The following DEPDC1B variants were observed in gnomAD, a reference collection of about 807,000 sequenced individuals.
The protein encoded by DEPDC1B is DEP domain-containing protein 1B.
DEPDC1B carries 51 observed loss-of-function variants against 66.5 expected under a neutral mutation model. The ratio of observed to expected loss-of-function variants is 0.77; its 90% CI spans 0.61 to 0.97. The LOEUF is 0.97. Ranked by LOEUF, DEPDC1B falls within the 50% of genes least tolerant of loss-of-function variation. The pLI is 0.00. For synonymous variants in DEPDC1B, 226 were observed against 223.6 expected, an observed-to-expected ratio of 1.01 and a Z score of -0.10; for missense variants, 552 against 637.1, an observed-to-expected ratio of 0.87 and a Z score of 1.44.
chr5:60,647,294 C>G, intron 3 of DEPDC1B, 104 bp downstream of exon 3: 18 of 1,410,934 alleles, frequency 1.3e-5, no homozygotes, highest in Non-Finnish European at 1.7e-5. Flanking sequence ...TTTAAAGTAC[C>G]TTTAAATTAT....
intron 2 of DEPDC1B, among the ~76,000 whole-genome samples, chr5:60,664,409 A>C (rs575881308): frequency 6.6e-6 from 1 of 152,238 alleles, no homozygotes; most frequent in Non-Finnish European, 1.5e-5. Context: ...ACTCACTGCT[A>C]AAGGAGACTT....
chr5:60,682,570 G>A (rs528629854), intron 2 of DEPDC1B, among the ~76,000 whole-genome samples: 147 of 152,082 alleles, frequency 9.7e-4, no homozygotes, highest in African/African-American at 3.4e-3. Context: ...CATGACATAT[G>A]GGATTACCAT....
chr5:60,625,256 T>C (rs1226708729), intron 7 of DEPDC1B, among the ~76,000 whole-genome samples: 1 of 152,208 alleles, frequency 6.6e-6, no homozygotes, highest in Non-Finnish European at 1.5e-5. Flanking sequence ...TCTGGTTATA[T>C]ACCCAGTAAC....
At chr5:60,637,591 A>G (rs1323197867) in intron 7 of DEPDC1B, among the ~76,000 whole-genome samples, 1 of 152,344 alleles carries the variant, frequency 6.6e-6, no homozygotes, top group South Asian at 2.1e-4. Flanking sequence ...CAATTAGTCC[A>G]TAAGCATACT....
Position 60,695,421 on chromosome 5 carries a change from G to A in DEPDC1B, c.48+4625C>T, listed in dbSNP as rs77748193. The stretch of plus-strand genomic sequence containing the variant: ...TGCCACACTTTTAAACAATCAGATC[G>A]CACATGAACTCAGAGTGAATACTCA... On this transcript the variant is annotated intron_variant, in intron 1 of 10. Coordinates refer to ENST00000265036, the MANE Select transcript of DEPDC1B (RefSeq NM_018369.3). Among the ~76,000 whole-genome samples, 104 of 152,178 alleles carry A rather than the reference G, an allele frequency of 6.8e-4. 1 individual carries two copies. The highest frequency in any genetic ancestry group is 1.9e-3 in the African/African-American group (80 of 41,530).
At chr5:60,657,247 C>A (rs1753599076) in intron 2 of DEPDC1B, among the ~76,000 whole-genome samples, 1 of 152,172 alleles carries the variant, frequency 6.6e-6, no homozygotes, top group Non-Finnish European at 1.5e-5. Context: ...ATCCATTCTG[C>A]CACATTCTGT....
At position 60,604,218 on chromosome 5, in the gene DEPDC1B, CTTTTTTTTTT is replaced by C. The variant is rs869142199; in HGVS notation, c.1066-661_1066-652del. ...TTCCATAGAATTGAAATTAACTATTCTTTTTTTTTTTTTTTTTTTTTTTACGGAGTCTCGC... is the reference window on the plus strand; with the variant it reads ...TTCCATAGAATTGAAATTAACTATTCTTTTTTTTTTTTTACGGAGTCTCGC... On this transcript the variant is annotated intron_variant, in intron 8 of 10. Coordinates refer to ENST00000265036, the MANE Select transcript of DEPDC1B (RefSeq NM_018369.3). Among the ~76,000 whole-genome samples the C allele has an allele frequency of 5.8e-5, 4 of 68,956 alleles. No homozygotes were observed. In the East Asian group the frequency reaches 1.6e-3, roughly 28 times the overall value. 45.2% of individuals were successfully genotyped at this position (68,956 alleles called of 152,430 possible).
In DEPDC1B at chr5:60,600,150, G is replaced by A. The variant is rs567439255; in HGVS notation, c.1243-890C>T. ...GATTCTCAATGCCTTGGGGATGGTA[G>A]TGGCATGCATTTAGCTAAGCTTTTA... On this transcript the variant is annotated intron_variant, in intron 9 of 10. Transcript: ENST00000265036. Among the ~76,000 whole-genome samples the A allele has an allele frequency of 2.6e-5, 4 of 152,280 alleles. No individual in the cohort carries two copies. The South Asian group carries it at 8.3e-4, about 32-fold the overall frequency.
intron 7 of DEPDC1B, among the ~76,000 whole-genome samples, chr5:60,632,362 G>A (rs1316859243): frequency 6.6e-6 from 1 of 152,220 alleles, no homozygotes; most frequent in Admixed American, 6.5e-5. Context: ...GGCACGCTGG[G>A]GAAAGGCGGC....
At chr5:60,693,590 G>A (rs1259965706) in intron 1 of DEPDC1B, among the ~76,000 whole-genome samples, 2 of 151,996 alleles carry the variant, frequency 1.3e-5, no homozygotes, top group Non-Finnish European at 2.9e-5. Context: ...AAAATCTTTG[G>A]GACAAAATCA....
intron 2 of DEPDC1B, among the ~76,000 whole-genome samples, chr5:60,678,141 T>TG (rs397952038): frequency 3.9e-5 from 6 of 152,196 alleles, no homozygotes; most frequent in African/African-American, 1.2e-4. Context: ...TTTTTTTTTT[T>TG]GGTGTATAGC....
intron 1 of DEPDC1B, among the ~76,000 whole-genome samples, chr5:60,693,833 C>T (rs1272513192): frequency 4.6e-5 from 7 of 150,956 alleles, no homozygotes; most frequent in Admixed American, 4.0e-4. Flanking sequence ...ATTGTTGTAC[C>T]GAAAAGGCAT....
At chr5:60,670,646 G>T (rs1040468532) in intron 2 of DEPDC1B, among the ~76,000 whole-genome samples, 1 of 152,198 alleles carries the variant, frequency 6.6e-6, no homozygotes, top group Non-Finnish European at 1.5e-5. Context: ...AATGGTATAT[G>T]AATTAAGTCA....
chr5:60,666,225 G>A (rs979892268), intron 2 of DEPDC1B, among the ~76,000 whole-genome samples: 2 of 152,176 alleles, frequency 1.3e-5, no homozygotes, highest in Non-Finnish European at 2.9e-5. Context: ...TTCCTGCATG[G>A]CTAAGGGCCC....
chr5:60,656,324 C>A (rs960753296), intron 2 of DEPDC1B, among the ~76,000 whole-genome samples: 2 of 152,036 alleles, frequency 1.3e-5, no homozygotes, highest in African/African-American at 4.8e-5. Context: ...CTGCACCCAG[C>A]TAATTTTTTG....
intron 1 of DEPDC1B, among the ~76,000 whole-genome samples, chr5:60,692,443 C>G (rs141495672): frequency 1.3e-5 from 2 of 152,144 alleles, no homozygotes; most frequent in Non-Finnish European, 2.9e-5. Context: ...ATATATACAA[C>G]TATAATTTGT....
Position 60,638,889 on chromosome 5 carries a change from C to A in DEPDC1B, c.759G>T (p.Trp253Cys), listed in dbSNP as rs776591200. Residue 253 changes from tryptophan (W) to cysteine (C), a missense_variant and splice_region_variant, in exon 7 of 11, where the codon TGG becomes TGT. Physicochemically the swap from Trp to Cys is radical, Grantham distance 215. Transcript: ENST00000265036. ...VLSAMKCLAN[W>C]PNCSDLKQPM... ...GCTGCTTCAAATCAGAACAGTTGGG[C>A]CCTATTTTCAAAAAGAGAGTGAAAG... The A allele has an allele frequency of 1.2e-6, 2 of 1,605,338 alleles. No homozygotes were observed. The highest frequency in any genetic ancestry group is 1.7e-6 in the Non-Finnish European group (2 of 1,177,640).
intron 2 of DEPDC1B, among the ~76,000 whole-genome samples, chr5:60,677,326 A>T (rs10461375): frequency 0.033 from 3,554 of 108,414 alleles, 109 homozygotes; most frequent in South Asian, 0.098. Context: ...ACACACACAC[A>T]CTCTCTCTCT....
chr5:60,671,013 T>C (rs1260615041), intron 2 of DEPDC1B, among the ~76,000 whole-genome samples: 1 of 152,168 alleles, frequency 6.6e-6, no homozygotes, highest in African/African-American at 2.4e-5. Flanking sequence ...TTCCTGATAC[T>C]TCCTTGTCCC....
Sources: allele counts gnomAD v4.1 joint callset (sites outside exome capture counted in the v4.1 genomes callset), GRCh38; gene constraint gnomAD v4.1.1; transcripts MANE v1.5; gene names NCBI Gene and HGNC (gene_info 2026-07-23, HGNC 2026-07-21).